SPRY3: variants seen among roughly 807,000 people sequenced by gnomAD.
SPRY3 encodes sprouty RTK signaling antagonist 3, also known as protein sprouty homolog 3.
In SPRY3, 15 loss-of-function variants were observed where a neutral mutation model predicts 20.2. The observed-to-expected ratio is 0.74, with a 90% CI of 0.50 to 1.14. SPRY3 has a LOEUF of 1.14. Ranked by LOEUF, SPRY3 falls within the 50% of genes most tolerant of loss-of-function variation. SPRY3 has a pLI of 0.00. For missense variants in SPRY3, 364 were observed against 363.9 expected (o/e 1.00, Z 0.00); for synonymous variants, 143 against 136.5 (o/e 1.05, Z -0.33).
intron 2 of SPRY3, among the ~76,000 whole-genome samples, chrX:155,753,891 T>G (rs1329137532): frequency 1.3e-5 from 2 of 152,036 alleles, no homozygotes; most frequent in Non-Finnish European, 2.9e-5. Flanking sequence ...TTTGTGTGTC[T>G]TTGAAGAGAT....
rs111990221 is a variant in SPRY3, at chrX:155,722,729, C to G, written c.-281-45233C>G. 5.9e-5 allele frequency among the ~76,000 whole-genome samples: 9 copies of G among 152,002 alleles called. No individual in the cohort carries two copies. The East Asian group carries it at 1.5e-3, about 26-fold the overall frequency. On this transcript the variant is annotated intron_variant, in intron 2 of 3. Transcript: ENST00000675360. ...AAACTCTCCAATCAAAAGACATAGA[C>G]TGGCTGAATGGATAAAAAAAGTAAT...
intron 2 of SPRY3, among the ~76,000 whole-genome samples, chrX:155,757,626 C>A (rs1243478939): frequency 3.3e-5 from 5 of 152,208 alleles, no homozygotes; most frequent in Admixed American, 2.6e-4. Flanking sequence ...ATCATGCTTT[C>A]TGCATGATAC....
intron 2 of SPRY3, among the ~76,000 whole-genome samples, chrX:155,696,338 T>A (rs2068118829): frequency 9.1e-6 from 1 of 110,052 alleles, no homozygotes; most frequent in South Asian, 3.9e-4. Context: ...ACTTATCATG[T>A]CATCTCTGAG....
At chrX:155,705,071 A>G (rs897838118) in intron 2 of SPRY3, among the ~76,000 whole-genome samples, 3 of 151,578 alleles carry the variant, frequency 2.0e-5, no homozygotes, top group African/African-American at 7.2e-5. Flanking sequence ...ACAAGGAAAT[A>G]AAGAGTGCTG....
intron 1 of SPRY3, among the ~76,000 whole-genome samples, chrX:155,645,688 G>A (rs1276975991): frequency 2.7e-5 from 3 of 112,523 alleles, no homozygotes; most frequent in East Asian, 5.6e-4. Flanking sequence ...CATGGCCACT[G>A]CCAGAGGGTT....
In SPRY3 at chrX:155,724,170, C is replaced by T. The variant is rs2091082152; in HGVS notation, c.-281-43792C>T. On this transcript the variant is annotated intron_variant, in intron 2 of 3. Coordinates refer to ENST00000675360, the Ensembl canonical transcript of SPRY3. ...CCTCTGTTTTGGTACCAGTACCATGCTGTTTTGGTTACTGCAGTCTTGCAG... is the reference window on the plus strand; with the variant it reads ...CCTCTGTTTTGGTACCAGTACCATGTTGTTTTGGTTACTGCAGTCTTGCAG... 2.0e-5 allele frequency among the ~76,000 whole-genome samples: 3 copies of T among 152,130 alleles called. No individual in the cohort carries two copies. In the South Asian group the frequency reaches 6.2e-4, roughly 32 times the overall value.
At chrX:155,698,514 C>T (rs2068126235) in intron 2 of SPRY3, among the ~76,000 whole-genome samples, 1 of 111,842 alleles carries the variant, frequency 8.9e-6, no homozygotes, top group South Asian at 3.7e-4. Context: ...CTCATGCCAT[C>T]AATTCCCAGG....
At chrX:155,774,499 C>T in exon 4 of SPRY3, 1 of 1,614,006 alleles carries the variant, frequency 6.2e-7, no homozygotes. Flanking sequence ...TGCTGATGAG[C>T]CCTGCTCTTG....
chrX:155,646,898 C>T lies in SPRY3; in HGVS notation c.-440-9969C>T, dbSNP rs183328234. Among the ~76,000 whole-genome samples the T allele has an allele frequency of 1.4e-3, 154 of 111,725 alleles. 1 individual carries two copies. The highest frequency in any genetic ancestry group is 4.7e-3 in the African/African-American group (145 of 30,805). ...CATAGAGGAAAAAAAGTCAGTCTTT[C>T]ACTATTAAGTATGATACCATCTGTG... is the stretch of plus-strand genomic sequence containing the variant. On this transcript the variant is annotated intron_variant, in intron 1 of 3. Coordinates refer to ENST00000675360, the Ensembl canonical transcript of SPRY3.
intron 2 of SPRY3, among the ~76,000 whole-genome samples, chrX:155,675,013 A>G (rs1354006787): frequency 2.7e-5 from 3 of 112,059 alleles, no homozygotes; most frequent in African/African-American, 9.7e-5. Context: ...ATGTTTGGGT[A>G]TAATTGTTCA....
At chrX:155,774,767 T>C in exon 4 of SPRY3, 3 of 1,586,674 alleles carry the variant, frequency 1.9e-6, no homozygotes, top group Non-Finnish European at 2.6e-6. Context: ...CCAGAGCTTT[T>C]CTCCTTCGAG....
chrX:155,739,694 T>G (rs1291353790), intron 2 of SPRY3, among the ~76,000 whole-genome samples: 1 of 151,914 alleles, frequency 6.6e-6, no homozygotes, highest in African/African-American at 2.4e-5. Context: ...GGGTCTGGAG[T>G]GGACCCCCAG....
chrX:155,709,121 C>T (rs1163686791), intron 2 of SPRY3, among the ~76,000 whole-genome samples: 6 of 151,644 alleles, frequency 4.0e-5, no homozygotes, highest in Non-Finnish European at 8.9e-5. Flanking sequence ...AACAGTGCTG[C>T]AACAAACATG....
chrX:155,721,019 G>A (rs756543830), intron 2 of SPRY3, among the ~76,000 whole-genome samples: 64 of 152,186 alleles, frequency 4.2e-4, no homozygotes, highest in Admixed American at 7.2e-4. Context: ...GCTGTTTTGA[G>A]GACTCTCAAA....
intron 2 of SPRY3, among the ~76,000 whole-genome samples, chrX:155,706,111 G>A (rs1457260896): frequency 6.6e-6 from 1 of 151,104 alleles, no homozygotes; most frequent in Admixed American, 6.6e-5. Context: ...CCATACTTAG[G>A]GTCATAAGAC....
chrX:155,641,265 A>G (rs782714869), intron 1 of SPRY3, among the ~76,000 whole-genome samples: 2 of 112,170 alleles, frequency 1.8e-5, no homozygotes, highest in South Asian at 3.7e-4. Context: ...CGTGTGATAA[A>G]TCCCACTTGG....
At chrX:155,675,237 C>T (rs782456775) in intron 2 of SPRY3, among the ~76,000 whole-genome samples, 4 of 111,238 alleles carry the variant, frequency 3.6e-5, no homozygotes, top group Non-Finnish European at 5.7e-5. Context: ...TTTAAATAAG[C>T]GTGAAAAAAT....
chrX:155,704,867 A>G (rs1229717662), intron 2 of SPRY3, among the ~76,000 whole-genome samples: 1 of 151,660 alleles, frequency 6.6e-6, no homozygotes, highest in Non-Finnish European at 1.5e-5. Context: ...GATCATTTTA[A>G]CAGGTAGAAA....
chrX:155,664,608 G>T (rs1184353362), intron 2 of SPRY3, among the ~76,000 whole-genome samples: 1 of 110,695 alleles, frequency 9.0e-6, no homozygotes, highest in Non-Finnish European at 1.9e-5. Context: ...ATCAGTGTAT[G>T]AAATGATGGA....
Sources: allele counts gnomAD v4.1 joint callset (sites outside exome capture counted in the v4.1 genomes callset), GRCh38; gene constraint gnomAD v4.1.1; transcripts MANE v1.5; gene names NCBI Gene and HGNC (gene_info 2026-07-23, HGNC 2026-07-21).